EMCN: variants seen among roughly 807,000 people sequenced by gnomAD.
EMCN encodes the protein endomucin, also known as MUC-14.
A neutral mutation model predicts 38.4 loss-of-function variants in EMCN; 37 were observed. The ratio of observed to expected loss-of-function variants is 0.96; its 90% CI spans 0.74 to 1.27. The LOEUF (loss-of-function observed/expected upper bound fraction) is 1.27, where lower values mean the gene tolerates loss of function less well. Ranked by LOEUF, EMCN falls within the 50% of genes most tolerant of loss-of-function variation. EMCN has a pLI of 0.00. For synonymous variants in EMCN, 95 were observed against 100.8 expected, an observed-to-expected ratio of 0.94 and a Z score of 0.35; for missense variants, 318 against 302.8, an observed-to-expected ratio of 1.05 and a Z score of -0.37.
At chr4:100,433,591 A>G (rs762153158) in intron 5 of EMCN, among the ~76,000 whole-genome samples, 3 of 151,454 alleles carry the variant, frequency 2.0e-5, no homozygotes, top group Non-Finnish European at 4.4e-5. Context: ...GCTGGAGTGC[A>G]GTGGTGCCAT....
intron 8 of EMCN, among the ~76,000 whole-genome samples, chr4:100,419,585 T>G (rs1181115524): frequency 1.3e-5 from 2 of 152,132 alleles, no homozygotes; most frequent in Non-Finnish European, 2.9e-5. Flanking sequence ...TATAGCATAT[T>G]TTTACAAATA....
At position 100,399,576 on chromosome 4, in the gene EMCN, A is replaced by G. The variant is rs573592124; in HGVS notation, c.*40-1203T>C. Among the ~76,000 whole-genome samples the G allele has an allele frequency of 1.1e-4, 17 of 152,228 alleles. No individual in the cohort carries two copies. The East Asian group carries it at 3.3e-3, about 30-fold the overall frequency. On this transcript the variant is annotated intron_variant, in intron 11 of 11. Coordinates refer to ENST00000296420, the MANE Select transcript of EMCN (RefSeq NM_016242.4). ...AACAGGATATCCGTGACTTCTTCCC[A>G]GAGCATCTGTGGCTGCTAGGCAGTC...
intron 1 of EMCN, among the ~76,000 whole-genome samples, chr4:100,513,821 A>G (rs567676288): frequency 6.6e-6 from 1 of 152,310 alleles, no homozygotes; most frequent in South Asian, 2.1e-4. Flanking sequence ...CAACTATTTC[A>G]TTCAATTATC....
intron 1 of EMCN, among the ~76,000 whole-genome samples, chr4:100,501,227 G>A (rs1296328199): frequency 1.3e-5 from 2 of 152,078 alleles, no homozygotes; most frequent in African/African-American, 4.8e-5. Flanking sequence ...GCTTTCATAT[G>A]TAGTGCTATG....
chr4:100,508,567 G>A (rs977463970), intron 1 of EMCN, among the ~76,000 whole-genome samples: 1 of 152,068 alleles, frequency 6.6e-6, no homozygotes, highest in Non-Finnish European at 1.5e-5. Context: ...CACAAGATTA[G>A]GATAAAGTTA....
chr4:100,427,441 T>TTC (rs200464024), intron 5 of EMCN, among the ~76,000 whole-genome samples: 1 of 145,958 alleles, frequency 6.9e-6, no homozygotes, highest in African/African-American at 2.6e-5. Flanking sequence ...CCAGCTAATT[T>TTC]TCTCTCTCTC....
At chr4:100,428,673 T>C (rs1727118305) in intron 5 of EMCN, among the ~76,000 whole-genome samples, 2 of 152,134 alleles carry the variant, frequency 1.3e-5, no homozygotes, top group Admixed American at 6.6e-5. Context: ...CTGTGAAAGA[T>C]GAAGTGAATT....
chr4:100,484,317 A>G (rs1024832556), intron 1 of EMCN, among the ~76,000 whole-genome samples: 1 of 152,008 alleles, frequency 6.6e-6, no homozygotes, highest in East Asian at 1.9e-4. Flanking sequence ...AACTAAATAT[A>G]TTTTCTCTGT....
intron 1 of EMCN, among the ~76,000 whole-genome samples, chr4:100,485,163 A>C (rs1728909180): frequency 6.6e-6 from 1 of 152,194 alleles, no homozygotes; most frequent in Non-Finnish European, 1.5e-5. Context: ...AACCTAGACC[A>C]ACTAATTTAT....
chr4:100,396,172 T>C lies in EMCN; in HGVS notation c.*2241A>G, dbSNP rs1726113715. ...AAAAATGCAGACCTTACCTTTGAGA[T>C]TGATATAAAATGCCGTGGACATCTC... is the stretch of plus-strand genomic sequence containing the variant. On this transcript the variant is annotated 3_prime_UTR_variant, in exon 12 of 12. Transcript: ENST00000296420. 1 of 152,210 alleles carries C rather than the reference T, an allele frequency of 6.6e-6. No homozygotes were observed. The highest frequency in any genetic ancestry group is 1.5e-5 in the Non-Finnish European group (1 of 68,030). 9.4% of individuals were successfully genotyped at this position (152,210 alleles called of 1,614,324 possible). A position where few individuals can be genotyped will look rare whatever the true frequency, so the allele number is the denominator to read the frequency against.
intron 5 of EMCN, among the ~76,000 whole-genome samples, chr4:100,424,466 A>G (rs1448738140): frequency 6.6e-6 from 1 of 152,090 alleles, no homozygotes; most frequent in African/African-American, 2.4e-5. Context: ...TATTGAGGCC[A>G]TGTATAATTG....
chr4:100,414,983 C>T (rs559983371), intron 10 of EMCN, among the ~76,000 whole-genome samples: 45 of 152,206 alleles, frequency 3.0e-4, no homozygotes, highest in Non-Finnish European at 5.9e-4. Context: ...GCAGCTTCCG[C>T]CCCCCGGGTT....
At chr4:100,440,235 T>G (rs1307473711) in intron 5 of EMCN, among the ~76,000 whole-genome samples, 3 of 152,174 alleles carry the variant, frequency 2.0e-5, no homozygotes, top group African/African-American at 7.2e-5. Flanking sequence ...TTTATTAATT[T>G]TGTGTTCTTT....
chr4:100,497,311 AT>A (rs1288925041), intron 1 of EMCN, among the ~76,000 whole-genome samples: 3 of 150,968 alleles, frequency 2.0e-5, no homozygotes, highest in African/African-American at 7.3e-5. Flanking sequence ...TCTAAAGAAG[AT>A]TTAGTACAGC....
At chr4:100,419,071 T>C (rs1196479847) in intron 8 of EMCN, among the ~76,000 whole-genome samples, 1 of 151,888 alleles carries the variant, frequency 6.6e-6, no homozygotes, top group Admixed American at 6.6e-5. Context: ...GATTTTTATA[T>C]GCCTGTTTTA....
rs907789451 is a variant in EMCN, at chr4:100,445,867, G to T, written c.415+1666C>A. 1.4e-4 allele frequency among the ~76,000 whole-genome samples: 21 copies of T among 152,226 alleles called. No homozygotes were observed. The East Asian group carries it at 3.5e-3, about 25-fold the overall frequency. Reference sequence around the variant, plus strand: ...AGACTCAATTTTCTAGTGGCTTATAGGACCAGTCTCATTTCTTTTTAATCC... The same window carrying T: ...AGACTCAATTTTCTAGTGGCTTATATGACCAGTCTCATTTCTTTTTAATCC... On this transcript the variant is annotated intron_variant, in intron 5 of 11. Transcript: ENST00000296420.
intron 1 of EMCN, among the ~76,000 whole-genome samples, chr4:100,499,454 A>T (rs1729293424): frequency 6.6e-6 from 1 of 152,242 alleles, no homozygotes; most frequent in Non-Finnish European, 1.5e-5. Context: ...TTAACAATTG[A>T]TTAGTTTTTA....
At chr4:100,442,192 T>C (rs1301962656) in intron 5 of EMCN, among the ~76,000 whole-genome samples, 1 of 152,212 alleles carries the variant, frequency 6.6e-6, no homozygotes, top group African/African-American at 2.4e-5. Context: ...CTTTTGTTCT[T>C]TCAGCTCTTT....
At chr4:100,400,741 A>C (rs1037097163) in intron 11 of EMCN, among the ~76,000 whole-genome samples, 3 of 152,146 alleles carry the variant, frequency 2.0e-5, no homozygotes, top group Admixed American at 6.6e-5. Context: ...ATACTGTTTC[A>C]ATTATTTTCT....
Sources: gnomAD v4.1 joint callset for allele counts (sites outside exome capture counted in the v4.1 genomes callset) on GRCh38, gnomAD v4.1.1 for gene constraint, MANE v1.5 for transcripts, NCBI Gene and HGNC (gene_info 2026-07-23, HGNC 2026-07-21) for gene names.